The following KIF2A variants were observed in gnomAD, a reference collection of about 807,000 sequenced individuals.
KIF2A encodes the protein kinesin family member 2A.
KIF2A carries 22 observed loss-of-function variants against 100.2 expected under a neutral mutation model. That is an observed-to-expected ratio of 0.22 (90% CI 0.16 to 0.31). KIF2A has a LOEUF of 0.31. Ranked by LOEUF, KIF2A falls within the 10% of genes least tolerant of loss-of-function variation. KIF2A has a pLI of 1.00. For missense variants in KIF2A, 495 were observed against 898.7 expected, an observed-to-expected ratio of 0.55 and a Z score of 5.74; for synonymous variants, 268 against 285.9, an observed-to-expected ratio of 0.94 and a Z score of 0.63.
chr5:62,355,071 CAATTT>C (rs1296735130), intron 6 of KIF2A, 83 bp from the exon 7 acceptor site: 3 of 651,146 alleles, frequency 4.6e-6, no homozygotes, highest in Non-Finnish European at 7.9e-6. Flanking sequence ...ACAAATGGCA[CAATTT>C]AATTTTAATT....
intron 20 of KIF2A, 82 bp downstream of exon 20, chr5:62,381,335 G>T: frequency 8.9e-7 from 1 of 1,123,884 alleles, no homozygotes; most frequent in Non-Finnish European, 1.3e-6. Flanking sequence ...CGTATTGCAA[G>T]AGGACATACG....
intron 1 of KIF2A, among the ~76,000 whole-genome samples, chr5:62,322,727 C>CATAT (rs1746160226): frequency 6.6e-6 from 1 of 151,940 alleles, no homozygotes; most frequent in South Asian, 2.1e-4. Context: ...TACCTACACA[C>CATAT]ATATATGCAT....
At chr5:62,314,699 G>A (rs1745722757) in intron 1 of KIF2A, among the ~76,000 whole-genome samples, 1 of 151,330 alleles carries the variant, frequency 6.6e-6, no homozygotes, top group South Asian at 2.1e-4. Context: ...GACAAGATCA[G>A]CAGGGAACAA....
chr5:62,373,573 G>A, intron 17 of KIF2A, 114 bp from the exon 18 acceptor site: 1 of 719,180 alleles, frequency 1.4e-6, no homozygotes, highest in East Asian at 2.8e-5. Context: ...CTATAAAGGT[G>A]ACATCATCAA....
rs1020925414 is a variant in KIF2A, at chr5:62,387,666, G to A, written c.*2097G>A. ...GAGGGAAATAACCTGAGAAAGCCGA[G>A]TTAAATCTTAAAATTTTTACTATAA... On this transcript the variant is annotated 3_prime_UTR_variant, in exon 21 of 21. Coordinates refer to ENST00000407818, the MANE Select transcript of KIF2A (RefSeq NM_001098511.3). The A allele has an allele frequency of 2.0e-5, 3 of 152,138 alleles. No homozygotes were observed. Among genetic ancestry groups the A allele is most frequent in the African/African-American group, 7.2e-5 (3 of 41,426 alleles). 9.4% of individuals were successfully genotyped at this position (152,138 alleles called of 1,614,324 possible).
intron 3 of KIF2A, among the ~76,000 whole-genome samples, chr5:62,349,509 G>A (rs1458911149): frequency 6.6e-6 from 1 of 151,996 alleles, no homozygotes; most frequent in Non-Finnish European, 1.5e-5. Flanking sequence ...GTGAATAAAA[G>A]GAAGTCTTCA....
At position 62,341,951 on chromosome 5, in the gene KIF2A, T is replaced by C. The variant is rs76205578; in HGVS notation, c.65-5179T>C. ...TTTCCAACTAGATTTGATAGCTAGGTGTCTCATTTCTTTAACCTCAACCAC... is the reference window on the plus strand; with the variant it reads ...TTTCCAACTAGATTTGATAGCTAGGCGTCTCATTTCTTTAACCTCAACCAC... On this transcript the variant is annotated intron_variant, in intron 1 of 20. Transcript: ENST00000407818. 6.2e-3 allele frequency among the ~76,000 whole-genome samples: 942 copies of C among 152,244 alleles called. 4 individuals carry two copies. The highest frequency in any genetic ancestry group is 0.024 in the Middle Eastern group (7 of 294).
At chr5:62,377,567 T>A (rs1349289764) in intron 18 of KIF2A, 94 bp from the exon 19 acceptor site, 1 of 621,130 alleles carries the variant, frequency 1.6e-6, no homozygotes, top group East Asian at 3.1e-5. Flanking sequence ...CCTCTTCAAT[T>A]TCTAAATGAT....
chr5:62,388,225 A>G lies in KIF2A; in HGVS notation c.*2656A>G, dbSNP rs1403126613. 6.6e-6 allele frequency: 1 copy of G among 152,214 alleles called. No homozygotes were observed. The highest frequency in any genetic ancestry group is 2.4e-5 in the African/African-American group (1 of 41,454). 9.4% of individuals were successfully genotyped at this position (152,214 alleles called of 1,614,324 possible). On this transcript the variant is annotated 3_prime_UTR_variant, in exon 21 of 21. Coordinates refer to ENST00000407818, the MANE Select transcript of KIF2A (RefSeq NM_001098511.3). ...TTATGGGAAATGGCTGTTTTTCTGA[A>G]GTTGAAACCAGTTTCAATTACAAAA... is the stretch of plus-strand genomic sequence containing the variant.
At chr5:62,343,019 TG>T (rs753190644) in intron 1 of KIF2A, among the ~76,000 whole-genome samples, 17 of 152,192 alleles carry the variant, frequency 1.1e-4, no homozygotes, top group Non-Finnish European at 2.4e-4. Flanking sequence ...CCCAAAGTGC[TG>T]GGATTACAGG....
intron 1 of KIF2A, among the ~76,000 whole-genome samples, chr5:62,314,130 T>C (rs986493393): frequency 3.3e-5 from 5 of 151,976 alleles, no homozygotes; most frequent in Non-Finnish European, 5.9e-5. Context: ...GACCAGCACC[T>C]GACAGCAGGT....
chr5:62,361,414 T>C, intron 10 of KIF2A, 52 bp from the exon 11 acceptor site: 1 of 1,430,090 alleles, frequency 7.0e-7, no homozygotes, highest in South Asian at 1.2e-5. Flanking sequence ...ACTAAATTCT[T>C]AAGAGTTATT....
At chr5:62,329,126 T>A (rs145809973) in intron 1 of KIF2A, among the ~76,000 whole-genome samples, 93 of 152,344 alleles carry the variant, frequency 6.1e-4, no homozygotes, top group East Asian at 5.0e-3. Flanking sequence ...CTTTTTTCTC[T>A]CCTTGTTCCA....
In KIF2A at chr5:62,388,807, G is replaced by T; in HGVS notation, c.*3238G>T. 1.7e-6 allele frequency: 1 copy of T among 593,556 alleles called. No homozygotes were observed. 36.8% of individuals were successfully genotyped at this position (593,556 alleles called of 1,614,324 possible). A position where few individuals can be genotyped will look rare whatever the true frequency, so the allele number is the denominator to read the frequency against. Reference sequence around the variant, plus strand: ...AGATTATTATGAATAGATTGGACCAGCATTATATATTAAAAACTTTGATAC... The same window carrying T: ...AGATTATTATGAATAGATTGGACCATCATTATATATTAAAAACTTTGATAC... On this transcript the variant is annotated 3_prime_UTR_variant, in exon 21 of 21. Coordinates refer to ENST00000407818, the MANE Select transcript of KIF2A (RefSeq NM_001098511.3).
intron 1 of KIF2A, among the ~76,000 whole-genome samples, chr5:62,331,418 A>C (rs911091219): frequency 6.6e-6 from 1 of 151,992 alleles, no homozygotes; most frequent in Admixed American, 6.6e-5. Flanking sequence ...TCTAAAAAAA[A>C]AAAAAAATTA....
At chr5:62,383,074 G>C (rs1287619774) in intron 20 of KIF2A, among the ~76,000 whole-genome samples, 2 of 149,546 alleles carry the variant, frequency 1.3e-5, no homozygotes, top group Non-Finnish European at 3.0e-5. Flanking sequence ...TTACAGGCGT[G>C]TGCCACTGTA....
chr5:62,321,782 C>T (rs1746101801), intron 1 of KIF2A, among the ~76,000 whole-genome samples: 1 of 151,988 alleles, frequency 6.6e-6, no homozygotes, highest in Non-Finnish European at 1.5e-5. Context: ...TGGTCTCATA[C>T]TTGTGGGCTC....
chr5:62,377,566 T>C, intron 18 of KIF2A, 95 bp from the exon 19 acceptor site: 1 of 616,786 alleles, frequency 1.6e-6, no homozygotes, highest in Non-Finnish European at 2.6e-6. Context: ...GCCTCTTCAA[T>C]TTCTAAATGA....
intron 1 of KIF2A, chr5:62,308,578 A>G (rs985148787): frequency 3.0e-5 from 21 of 701,956 alleles, no homozygotes; most frequent in Admixed American, 2.6e-4. Context: ...ACAATGTACA[A>G]TGGAACATTA....
Sources: allele counts gnomAD v4.1 joint callset (sites outside exome capture counted in the v4.1 genomes callset), GRCh38; gene constraint gnomAD v4.1.1; transcripts MANE v1.5; gene names NCBI Gene and HGNC (gene_info 2026-07-23, HGNC 2026-07-21).